The following NEMP1 variants were observed in gnomAD, a reference collection of about 807,000 sequenced individuals.
NEMP1 encodes transmembrane protein 194.
In NEMP1, 29 loss-of-function variants were observed where a neutral mutation model predicts 53.7. That is an observed-to-expected ratio of 0.54 (90% CI 0.40 to 0.74). NEMP1 has a LOEUF of 0.74. Among genes scored for constraint, NEMP1 ranks in the 30% least tolerant of loss-of-function variants. NEMP1 has a pLI of 0.00. For synonymous variants in NEMP1, 193 were observed against 192.9 expected, an observed-to-expected ratio of 1.00 and a Z score of 0.00; for missense variants, 477 against 528.6, an observed-to-expected ratio of 0.90 and a Z score of 0.96.
chr12:57,086,527 TCCC>T (rs35908183), intron 1 of NEMP1, among the ~76,000 whole-genome samples: 24 of 149,202 alleles, frequency 1.6e-4, no homozygotes, highest in Admixed American at 3.3e-4. Flanking sequence ...TTGTCACCAC[TCCC>T]CCCCCCCCAC....
intron 1 of NEMP1, among the ~76,000 whole-genome samples, chr12:57,076,194 C>A (rs2032612183): frequency 6.6e-6 from 1 of 152,084 alleles, no homozygotes; most frequent in Non-Finnish European, 1.5e-5. Context: ...ACAGTACAAA[C>A]CACCAATATC....
chr12:57,063,505 A>G (rs2031923795), intron 6 of NEMP1, among the ~76,000 whole-genome samples, 161 bp from the exon 7 acceptor site: 1 of 152,234 alleles, frequency 6.6e-6, no homozygotes, highest in Non-Finnish European at 1.5e-5. Flanking sequence ...TATTTCTCTA[A>G]GTTTCTATCC....
intron 7 of NEMP1, among the ~76,000 whole-genome samples, chr12:57,062,151 AAGACCTCC>A (rs2031841985): frequency 1.3e-5 from 2 of 152,202 alleles, no homozygotes; most frequent in African/African-American, 4.8e-5. Flanking sequence ...AAATAAGACT[AAGACCTCC>A]AGAGCAATCT....
chr12:57,064,663 A>T lies in NEMP1; in HGVS notation c.622T>A (p.Ser208Thr), dbSNP rs1252522093. Residue 208 changes from serine to threonine, a missense_variant, in exon 5 of 9, where the codon TCT (serine) becomes ACT (threonine). Transcript: ENST00000300128. The stretch of plus-strand genomic sequence containing the variant: ...ATACTTACCTTAGGCATAAACTTAG[A>T]TAGTATAAAAATGATGATTAGCAGA... ...ASLLIIIFIL[S>T]KFMPKKSPIY... The T allele has an allele frequency of 6.2e-7, 1 of 1,612,002 alleles. No homozygotes were observed. Among genetic ancestry groups the T allele is most frequent in the Admixed American group, 1.7e-5 (1 of 59,794 alleles).
upstream of NEMP1, among the ~76,000 whole-genome samples, chr12:57,081,906 C>G (rs967472715): frequency 7.4e-6 from 1 of 135,430 alleles, no homozygotes; most frequent in African/African-American, 2.8e-5. Context: ...GACTCCGTCT[C>G]AAAAAATAAG....
At chr12:57,063,969 A>T in intron 6 of NEMP1, 102 bp downstream of exon 6, 1 of 645,370 alleles carries the variant, frequency 1.5e-6, no homozygotes, top group African/African-American at 1.9e-5. Context: ...AAAAAATGAC[A>T]TGAACTATTA....
chr12:57,070,685 A>G lies in NEMP1; in HGVS notation c.461T>C (p.Ile154Thr), dbSNP rs150952562. The G allele has an allele frequency of 5.2e-6, 8 of 1,553,084 alleles. No homozygotes were observed. Among genetic ancestry groups the G allele is most frequent in the East Asian group, 4.9e-5 (2 of 40,960 alleles). Residue 154 changes from isoleucine to threonine, a missense_variant, in exon 3 of 9, where the codon ATT becomes ACT. By Grantham distance (89) the Ile-to-Thr change is moderately conservative. Coordinates refer to ENST00000300128, the MANE Select transcript of NEMP1 (RefSeq NM_001130963.2). ...GAGGTGAGACTTACTCCGGATCACAATGACACTGTACTTGGTGTCCTTCTC... is the reference window on the plus strand; with the variant it reads ...GAGGTGAGACTTACTCCGGATCACAGTGACACTGTACTTGGTGTCCTTCTC... Reference protein sequence around the residue: ...IIEKDTKYSVIVIRRFDPKLF... With the variant: ...IIEKDTKYSVTVIRRFDPKLF...
intron 7 of NEMP1, among the ~76,000 whole-genome samples, chr12:57,062,235 T>C (rs1174241915): frequency 1.3e-5 from 2 of 152,114 alleles, no homozygotes; most frequent in African/African-American, 2.4e-5. Flanking sequence ...ATCCTAGCAC[T>C]TTGTGGGGCT....
intron 6 of NEMP1, 130 bp from the exon 7 acceptor site, chr12:57,063,474 TCA>T (rs2136486947): frequency 2.8e-6 from 2 of 717,174 alleles, no homozygotes; most frequent in East Asian, 5.5e-5. Context: ...ACTTAATTTT[TCA>T]CACTTTTTTC....
At chr12:57,086,405 G>A (rs1429093081) in intron 1 of NEMP1, among the ~76,000 whole-genome samples, 2 of 152,170 alleles carry the variant, frequency 1.3e-5, no homozygotes, top group South Asian at 2.1e-4. Flanking sequence ...GGGAGAGCAG[G>A]TGAGTCAGGC....
intron 4 of NEMP1, among the ~76,000 whole-genome samples, chr12:57,067,839 G>A (rs1338853732): frequency 1.3e-5 from 2 of 152,068 alleles, no homozygotes; most frequent in Non-Finnish European, 2.9e-5. Flanking sequence ...GTGCAATCAC[G>A]GATCACTGCA....
At chr12:57,061,064 C>T (rs906405469) in intron 7 of NEMP1, 119 bp from the exon 8 acceptor site, 4 of 1,007,866 alleles carry the variant, frequency 4.0e-6, no homozygotes, top group African/African-American at 3.3e-5. Context: ...AGAGTCATCA[C>T]TCCTAAAAAT....
rs1319862305 is a variant in NEMP1 at position 57,059,845 on chromosome 12, C to G, written c.*34G>C. The stretch of plus-strand genomic sequence containing the variant: ...ACACATGCAACATGGACCAAGGCAC[C>G]AAGCCAGTCCACGTAAAGATAACTG... On this transcript the variant is annotated 3_prime_UTR_variant, in exon 9 of 9. Transcript: ENST00000300128. 2 of 1,595,156 alleles carry G rather than the reference C, an allele frequency of 1.3e-6. No homozygotes were observed. The highest frequency in any genetic ancestry group is 3.4e-5 in the Admixed American group (2 of 58,706).
intron 1 of NEMP1, among the ~76,000 whole-genome samples, chr12:57,074,768 A>T (rs1037856199): frequency 6.6e-6 from 1 of 152,192 alleles, no homozygotes; most frequent in African/African-American, 2.4e-5. Flanking sequence ...TTTGTATTTA[A>T]TATCAGCTAA....
chr12:57,075,187 C>T lies in NEMP1; in HGVS notation c.128-2275G>A, dbSNP rs578097572. On this transcript the variant is annotated intron_variant, in intron 1 of 8. Transcript: ENST00000300128. ...GGATCACCAGGTCAGCAGATTGAAA[C>T]CATCCTGGCTAACAAGGTGAAACCC... Among the ~76,000 whole-genome samples, 3 of 151,698 alleles carry T rather than the reference C, an allele frequency of 2.0e-5. No individual in the cohort carries two copies. In the South Asian group the frequency reaches 6.2e-4, roughly 31 times the overall value.
chr12:57,084,883 T>C (rs949647957), intron 1 of NEMP1, among the ~76,000 whole-genome samples: 3 of 152,244 alleles, frequency 2.0e-5, no homozygotes, highest in Non-Finnish European at 4.4e-5. Flanking sequence ...TTTTGTTTTT[T>C]GAATAATTCA....
At chr12:57,064,341 ATGG>A (rs2031970783) in intron 5 of NEMP1, among the ~76,000 whole-genome samples, 156 bp from the exon 6 acceptor site, 1 of 152,218 alleles carries the variant, frequency 6.6e-6, no homozygotes, top group South Asian at 2.1e-4. Context: ...TATACTTAAA[ATGG>A]TACAGTCTGC....
At chr12:57,070,999 TG>T (rs2032320681) in intron 2 of NEMP1, 106 bp from the exon 3 acceptor site, 3 of 835,128 alleles carry the variant, frequency 3.6e-6, no homozygotes, top group Non-Finnish European at 5.6e-6. Flanking sequence ...AAATCAGTAA[TG>T]GTGCCAGTTT....
chr12:57,069,743 AAT>A, intron 3 of NEMP1, among the ~76,000 whole-genome samples: 1 of 151,500 alleles, frequency 6.6e-6, no homozygotes, highest in African/African-American at 2.4e-5. Context: ...CTTGCCCAAC[AAT>A]ACCACCTACT....
Sources: allele counts gnomAD v4.1 joint callset (sites outside exome capture counted in the v4.1 genomes callset), GRCh38; gene constraint gnomAD v4.1.1; transcripts MANE v1.5; gene names NCBI Gene and HGNC (gene_info 2026-07-23, HGNC 2026-07-21).